RANBP2: variants seen among roughly 807,000 people sequenced by gnomAD.
RANBP2 encodes RAN binding protein 2, also known as E3 SUMO-protein ligase RanBP2.
RANBP2 carries 57 observed loss-of-function variants against 303.6 expected under a neutral mutation model. The observed-to-expected ratio is 0.19, with a 90% CI of 0.15 to 0.23. RANBP2 has a LOEUF of 0.23. RANBP2 is among the 10% of genes least tolerant of loss of function. The pLI is 1.00. For missense variants in RANBP2, 3,138 were observed against 3,780.8 expected (o/e 0.83, Z 4.46); for synonymous variants, 1,167 against 1,301.5 (o/e 0.90, Z 2.23).
At chr2:108,926,861 C>T in the RANBP2 span, among the ~76,000 whole-genome samples, 3 of 152,196 alleles carry the variant, frequency 2.0e-5, no homozygotes, top group African/African-American at 4.8e-5. Context: ...CAGGAATGAA[C>T]GCAGCCTTTC....
chr2:109,553,460 C>A, the RANBP2 span, among the ~76,000 whole-genome samples: 1 of 151,826 alleles, frequency 6.6e-6, no homozygotes, highest in African/African-American at 2.4e-5. Context: ...GGGAGAATCA[C>A]CTGAACCCAG....
At chr2:108,819,784 G>A in the RANBP2 span, among the ~76,000 whole-genome samples, 1 of 151,946 alleles carries the variant, frequency 6.6e-6, no homozygotes, top group African/African-American at 2.4e-5. Flanking sequence ...AGGATCAGAA[G>A]GCATACAAAG....
the RANBP2 span, among the ~76,000 whole-genome samples, chr2:109,130,594 C>T: frequency 6.6e-6 from 1 of 152,050 alleles, no homozygotes; most frequent in Non-Finnish European, 1.5e-5. Flanking sequence ...GGGCAGAAGG[C>T]AGAGTGGGAC....
At chr2:109,046,035 T>A in the RANBP2 span, among the ~76,000 whole-genome samples, 1 of 152,116 alleles carries the variant, frequency 6.6e-6, no homozygotes, top group African/African-American at 2.4e-5. Flanking sequence ...CCGGGCATGG[T>A]GTCTCACACC....
chr2:108,954,283 T>C, the RANBP2 span, among the ~76,000 whole-genome samples: 1 of 152,212 alleles, frequency 6.6e-6, no homozygotes, highest in Non-Finnish European at 1.5e-5. Flanking sequence ...CAGATAGCTA[T>C]ACATCAAGAC....
the RANBP2 span, among the ~76,000 whole-genome samples, chr2:109,304,827 G>A: frequency 1.3e-5 from 2 of 152,138 alleles, no homozygotes; most frequent in South Asian, 2.1e-4. Flanking sequence ...ATTAGACCTC[G>A]TGAGAGCCAC....
the RANBP2 span, among the ~76,000 whole-genome samples, chr2:108,814,598 T>C: frequency 6.6e-6 from 1 of 151,868 alleles, no homozygotes; most frequent in Non-Finnish European, 1.5e-5. Flanking sequence ...TGTTGCCTAT[T>C]TATTAATTTG....
chr2:108,750,789 A>T (rs1309591975), intron 9 of RANBP2, among the ~76,000 whole-genome samples: 1 of 152,182 alleles, frequency 6.6e-6, no homozygotes, highest in Non-Finnish European at 1.5e-5. Context: ...GAGTTTCACC[A>T]TGCTGGCCAG....
the RANBP2 span, among the ~76,000 whole-genome samples, chr2:108,806,869 G>A: frequency 6.6e-6 from 1 of 152,156 alleles, no homozygotes. Flanking sequence ...TAATGTTCAA[G>A]CTTCATCATA....
chr2:109,590,941 C>T, the RANBP2 span, among the ~76,000 whole-genome samples: 2 of 152,124 alleles, frequency 1.3e-5, no homozygotes, highest in Non-Finnish European at 2.9e-5. Context: ...AGCAGCTGAC[C>T]CCTTGAGTAT....
chr2:109,221,410 C>T, the RANBP2 span, among the ~76,000 whole-genome samples: 1 of 152,090 alleles, frequency 6.6e-6, no homozygotes, highest in African/African-American at 2.4e-5. Context: ...TGGCAAAACC[C>T]TGTCTCTACT....
At chr2:109,637,503 T>C in the RANBP2 span, among the ~76,000 whole-genome samples, 1 of 152,200 alleles carries the variant, frequency 6.6e-6, no homozygotes, top group Non-Finnish European at 1.5e-5. Flanking sequence ...CCTTGGACAA[T>C]ACCCCACTTT....
At chr2:109,567,128 C>T in the RANBP2 span, among the ~76,000 whole-genome samples, 1 of 152,092 alleles carries the variant, frequency 6.6e-6, no homozygotes, top group Non-Finnish European at 1.5e-5. Flanking sequence ...CTGTTAGGCG[C>T]TTAACAAAGG....
At chr2:109,520,598 CAAAAAAAAA>C in the RANBP2 span, among the ~76,000 whole-genome samples, 17 of 50,110 alleles carry the variant, frequency 3.4e-4, 1 homozygote, top group Middle Eastern at 0.025. Context: ...GACTCCATCT[CAAAAAAAAA>C]AAAAAAAAAA....
At chr2:109,190,211 T>C in the RANBP2 span, among the ~76,000 whole-genome samples, 2 of 152,222 alleles carry the variant, frequency 1.3e-5, no homozygotes, top group African/African-American at 2.4e-5. Context: ...CTCACTCTTA[T>C]TGCCCAGGCT....
the RANBP2 span, among the ~76,000 whole-genome samples, chr2:109,712,491 G>A: frequency 3.3e-5 from 5 of 152,166 alleles, no homozygotes; most frequent in African/African-American, 1.2e-4. Context: ...GAGTACAATA[G>A]CACGATCTCT....
chr2:109,669,201 A>G, the RANBP2 span, among the ~76,000 whole-genome samples: 3 of 152,242 alleles, frequency 2.0e-5, no homozygotes, highest in Admixed American at 2.0e-4. Context: ...ACTTATGCTG[A>G]AGACCAGAAA....
the RANBP2 span, among the ~76,000 whole-genome samples, chr2:108,928,712 T>C: frequency 6.6e-5 from 10 of 152,238 alleles, no homozygotes; most frequent in African/African-American, 2.4e-4. Context: ...TTTATCTTTC[T>C]CTCTTTCAGG....
the RANBP2 span, among the ~76,000 whole-genome samples, chr2:108,986,577 G>A: frequency 6.6e-6 from 1 of 152,258 alleles, no homozygotes; most frequent in Non-Finnish European, 1.5e-5. Flanking sequence ...AGTTCTTGGT[G>A]TTCCCATAAT....
Sources: allele counts gnomAD v4.1 joint callset (sites outside exome capture counted in the v4.1 genomes callset), GRCh38; gene constraint gnomAD v4.1.1; transcripts MANE v1.5; gene names NCBI Gene and HGNC (gene_info 2026-07-23, HGNC 2026-07-21).